Variants in MTHFD1L observed in about 807,000 individuals in gnomAD.
MTHFD1L encodes the protein methylenetetrahydrofolate dehydrogenase (NADP+ dependent) 1 like.
A neutral mutation model predicts 119.5 loss-of-function variants in MTHFD1L; 81 were observed. The ratio of observed to expected loss-of-function variants is 0.68; its 90% CI spans 0.57 to 0.82. The LOEUF (loss-of-function observed/expected upper bound fraction) is 0.82, where lower values mean the gene tolerates loss of function less well. Ranked by LOEUF, MTHFD1L falls within the 40% of genes least tolerant of loss-of-function variation. The pLI is 0.00. For synonymous variants in MTHFD1L, 430 were observed against 475.2 expected (o/e 0.90, Z 1.24); for missense variants, 1,125 against 1,253.4 (o/e 0.90, Z 1.55).
intron 21 of MTHFD1L, 123 bp downstream of exon 21, chr6:151,010,081 T>A (rs1268823387): frequency 3.4e-6 from 4 of 1,162,914 alleles, no homozygotes; most frequent in East Asian, 6.3e-5. Flanking sequence ...TTCTTAAAAC[T>A]TTTTTTTTCC....
chr6:150,875,707 A>G (rs540923625), intron 1 of MTHFD1L, among the ~76,000 whole-genome samples: 4 of 151,658 alleles, frequency 2.6e-5, no homozygotes, highest in African/African-American at 7.3e-5. Flanking sequence ...TGCTTTCCCC[A>G]TGGACCCATA....
chr6:151,016,061 C>G (rs1458024539), intron 24 of MTHFD1L, among the ~76,000 whole-genome samples: 1 of 152,136 alleles, frequency 6.6e-6, no homozygotes, highest in Non-Finnish European at 1.5e-5. Flanking sequence ...CCACTGCACT[C>G]CAGCCTGGGC....
chr6:151,020,602 A>G (rs1196645285), intron 24 of MTHFD1L, among the ~76,000 whole-genome samples: 1 of 152,200 alleles, frequency 6.6e-6, no homozygotes, highest in Non-Finnish European at 1.5e-5. Context: ...AAAATATGGA[A>G]TAAGGTGTAG....
chr6:150,989,608 A>T (rs540616489), intron 20 of MTHFD1L, among the ~76,000 whole-genome samples: 2 of 152,182 alleles, frequency 1.3e-5, no homozygotes, highest in Non-Finnish European at 2.9e-5. Context: ...TTTTTTTGTT[A>T]GCCATAAATA....
At chr6:150,979,685 A>G (rs1777157220) in intron 20 of MTHFD1L, among the ~76,000 whole-genome samples, 1 of 151,962 alleles carries the variant, frequency 6.6e-6, no homozygotes, top group Non-Finnish European at 1.5e-5. Context: ...TTTTTAGTAG[A>G]GATGGAGTTT....
In MTHFD1L at chr6:150,916,922, T is replaced by C. The variant is rs541822799; in HGVS notation, c.893-1655T>C. The stretch of plus-strand genomic sequence containing the variant: ...GATTACAGGCATGTGCCACCACGCC[T>C]GGCTAATTTTGTATTTTTAGTAGAG... On this transcript the variant is annotated intron_variant, in intron 8 of 27. Transcript: ENST00000367321. Among the ~76,000 whole-genome samples the C allele has an allele frequency of 1.6e-3, 246 of 151,100 alleles. 1 individual carries two copies. The highest frequency in any genetic ancestry group is 5.6e-3 in the African/African-American group (231 of 41,236).
rs1205768408 is a variant in MTHFD1L, at chr6:150,960,416, GTGAGTGTTT to G, written c.1944+2_1944+10del. The G allele has an allele frequency of 6.2e-7, 1 of 1,606,712 alleles. No homozygotes were observed. The highest frequency in any genetic ancestry group is 8.5e-7 in the Non-Finnish European group (1 of 1,176,226). ...GCAGCCTGTGACAGCAGATGATTTG[GTGAGTGTTT>G]CCAACTCGGAAGCTTCAGGGAGTGG... On this transcript the variant is annotated splice_donor_variant and splice_donor_5th_base_variant and intron_variant, in intron 18 of 27. Transcript: ENST00000367321. LOFTEE classifies it high-confidence loss of function.
intron 20 of MTHFD1L, among the ~76,000 whole-genome samples, chr6:150,986,379 G>T (rs950130314): frequency 5.3e-5 from 8 of 152,204 alleles, no homozygotes; most frequent in Admixed American, 5.2e-4. Flanking sequence ...CAACTGTCAT[G>T]GGGAATCCCA....
At chr6:151,074,653 C>A (rs1483918125) in intron 26 of MTHFD1L, among the ~76,000 whole-genome samples, 1 of 152,150 alleles carries the variant, frequency 6.6e-6, no homozygotes, top group Non-Finnish European at 1.5e-5. Flanking sequence ...AACAGCAGTT[C>A]CATCAGATTA....
chr6:150,955,853 A>C (rs780615633), intron 16 of MTHFD1L, 142 bp from the exon 17 acceptor site: 3 of 665,568 alleles, frequency 4.5e-6, no homozygotes, highest in Middle Eastern at 2.5e-4. Flanking sequence ...CTCTATGTCT[A>C]CCCACTAGAT....
chr6:151,079,637 G>A (rs1792927174), intron 26 of MTHFD1L, among the ~76,000 whole-genome samples: 1 of 151,732 alleles, frequency 6.6e-6, no homozygotes, highest in African/African-American at 2.4e-5. Context: ...TTACAGGCAT[G>A]CACCACCACG....
At chr6:150,915,564 C>A (rs1787712298) in intron 8 of MTHFD1L, among the ~76,000 whole-genome samples, 1 of 152,108 alleles carries the variant, frequency 6.6e-6, no homozygotes, top group Non-Finnish European at 1.5e-5. Context: ...TAAGTTGATA[C>A]CAGCTCCTGG....
Position 150,887,136 on chromosome 6 carries a change from G to A in MTHFD1L, c.644-709G>A, listed in dbSNP as rs139461977. On this transcript the variant is annotated intron_variant, in intron 6 of 27. Transcript: ENST00000367321. The stretch of plus-strand genomic sequence containing the variant: ...AAAAATTTCAAAAATATATGGCAAA[G>A]TTTTATTAAAAGGTTAACATTCAGG... Among the ~76,000 whole-genome samples the A allele has an allele frequency of 1.6e-3, 246 of 152,212 alleles. 2 individuals carry two copies. The highest frequency in any genetic ancestry group is 5.7e-3 in the African/African-American group (235 of 41,538).
At chr6:150,988,295 A>C (rs1778582179) in intron 20 of MTHFD1L, among the ~76,000 whole-genome samples, 1 of 152,232 alleles carries the variant, frequency 6.6e-6, no homozygotes, top group East Asian at 1.9e-4. Flanking sequence ...TATGATTGCT[A>C]TCTTACCCCA....
intron 26 of MTHFD1L, among the ~76,000 whole-genome samples, chr6:151,074,913 C>G (rs1584405079): frequency 6.6e-6 from 1 of 152,176 alleles, no homozygotes; most frequent in African/African-American, 2.4e-5. Context: ...ATGTACCCGT[C>G]TTTAAGCAAC....
intron 19 of MTHFD1L, among the ~76,000 whole-genome samples, chr6:150,966,953 C>T (rs769986859): frequency 1.6e-4 from 24 of 152,168 alleles, no homozygotes; most frequent in Admixed American, 3.3e-4. Context: ...TCTGCAGCCC[C>T]GGGGGAGGGG....
intron 24 of MTHFD1L, among the ~76,000 whole-genome samples, chr6:151,017,172 A>T (rs916870917): frequency 2.0e-5 from 3 of 151,896 alleles, no homozygotes; most frequent in African/African-American, 7.3e-5. Flanking sequence ...CAAAACTGAA[A>T]CTGTACCCAC....
chr6:151,059,681 C>A, intron 26 of MTHFD1L, among the ~76,000 whole-genome samples: 1 of 152,062 alleles, frequency 6.6e-6, no homozygotes, highest in East Asian at 1.9e-4. Flanking sequence ...ATCAAGCTGC[C>A]CGGAGACTGG....
intron 19 of MTHFD1L, among the ~76,000 whole-genome samples, chr6:150,965,581 A>G (rs1281087575): frequency 1.3e-5 from 2 of 152,028 alleles, no homozygotes; most frequent in South Asian, 4.2e-4. Context: ...GAATCGCTTG[A>G]ACCCGGGAGG....
Sources: gnomAD v4.1 joint callset for allele counts (sites outside exome capture counted in the v4.1 genomes callset) on GRCh38, gnomAD v4.1.1 for gene constraint, MANE v1.5 for transcripts, NCBI Gene and HGNC (gene_info 2026-07-23, HGNC 2026-07-21) for gene names.